The following COL5A2 variants were observed in gnomAD, a reference collection of about 807,000 sequenced individuals.
COL5A2 encodes collagen type V alpha 2 chain, also known as collagen alpha-2(V) chain.
Under a neutral mutation model 208.2 loss-of-function variants are expected in COL5A2, and 23 were observed. The ratio of observed to expected loss-of-function variants is 0.11; its 90% confidence interval spans 0.08 to 0.16. The LOEUF is 0.16. Among genes scored for constraint, COL5A2 ranks in the 10% least tolerant of loss-of-function variants. COL5A2 has a pLI of 1.00. For missense variants in COL5A2, 1,590 were observed against 1,956.4 expected, an observed-to-expected ratio of 0.81 and a Z score of 3.53; for synonymous variants, 625 against 628.5, an observed-to-expected ratio of 0.99 and a Z score of 0.08.
intron 6 of COL5A2, chr2:189,094,949 G>C (rs1336242161): frequency 1.3e-5 from 2 of 151,854 alleles, no homozygotes; most frequent in Admixed American, 6.6e-5. Flanking sequence ...ATTTGGCAAT[G>C]TCAAGAAACA....
Position 189,068,039 on chromosome 2 carries a change from A to T in COL5A2, c.1377T>A (p.Gly459=). 6.2e-7 allele frequency: 1 copy of T among 1,614,014 alleles called. No homozygotes were observed. Among genetic ancestry groups the T allele is most frequent in the South Asian group, 1.1e-5 (1 of 91,074 alleles). The stretch of plus-strand genomic sequence containing the variant: ...CCGGTTGGCCTCGAATTCCCTGAGG[A>T]CCAGTGCTACCCTGAGGTCCTGGAG... The part of the protein sequence containing the change: ...PGSPGPQGST[G]PQGIRGQPGD... The change falls in exon 21 of 54, where the codon GGT becomes GGA. Residue 459 remains glycine (G), a synonymous_variant. Transcript: ENST00000374866.
At position 189,038,254 on chromosome 2, in the gene COL5A2, TCTTA is replaced by T. The variant is rs1413872105; in HGVS notation, c.3925+1014_3925+1017del. Among the ~76,000 whole-genome samples the T allele has an allele frequency of 1.4e-4, 22 of 152,308 alleles. No homozygotes were observed. In the East Asian group the frequency reaches 4.2e-3, roughly 29 times the overall value. On this transcript the variant is annotated intron_variant, in intron 51 of 53. Transcript: ENST00000374866. ...TTTATGTCCATGTGTGCTCATTAGC[TCTTA>T]CTTATAAATGAGAACATATGATATT...
the COL5A2 span, among the ~76,000 whole-genome samples, chr2:189,413,877 C>T: frequency 8.2e-5 from 12 of 147,168 alleles, no homozygotes; most frequent in African/African-American, 3.0e-4. Flanking sequence ...CTGCAACCTC[C>T]GCATCCCGGG....
intron 12 of COL5A2, among the ~76,000 whole-genome samples, chr2:189,082,790 G>A (rs1314358091): frequency 6.6e-6 from 1 of 152,338 alleles, no homozygotes; most frequent in African/African-American, 2.4e-5. Context: ...CACACTGTGA[G>A]CATGAGCAAG....
chr2:189,192,725 A>C (rs1417383706), intron 1 of COL5A2, among the ~76,000 whole-genome samples: 1 of 152,208 alleles, frequency 6.6e-6, no homozygotes. Context: ...AAAAGGACAA[A>C]ACCAGTGCTA....
chr2:189,156,189 T>C (rs1045835895), intron 1 of COL5A2, among the ~76,000 whole-genome samples: 3 of 152,164 alleles, frequency 2.0e-5, no homozygotes, highest in African/African-American at 7.2e-5. Context: ...TTACAGAGAT[T>C]AGAGCATGGA....
chr2:189,300,179 G>T, the COL5A2 span, among the ~76,000 whole-genome samples: 1 of 152,114 alleles, frequency 6.6e-6, no homozygotes, highest in East Asian at 1.9e-4. Context: ...CAAATTCCTT[G>T]CCAGTCAGCA....
At chr2:189,124,075 G>GA (rs1687561846) in intron 1 of COL5A2, among the ~76,000 whole-genome samples, 1 of 152,040 alleles carries the variant, frequency 6.6e-6, no homozygotes, top group Non-Finnish European at 1.5e-5. Flanking sequence ...CTGGGTTAAA[G>GA]AAAAAACAGG....
At chr2:189,302,138 C>G in the COL5A2 span, among the ~76,000 whole-genome samples, 1 of 152,088 alleles carries the variant, frequency 6.6e-6, no homozygotes, top group East Asian at 1.9e-4. Flanking sequence ...TCACTAGTTG[C>G]AATTAACCAA....
chr2:189,240,627 C>T, the COL5A2 span, among the ~76,000 whole-genome samples: 1 of 152,082 alleles, frequency 6.6e-6, no homozygotes, highest in African/African-American at 2.4e-5. Flanking sequence ...TCTGCTTTTT[C>T]CTTTCTGAGT....
At chr2:189,400,315 T>C in the COL5A2 span, among the ~76,000 whole-genome samples, 88 of 152,316 alleles carry the variant, frequency 5.8e-4, no homozygotes, top group South Asian at 0.017. Flanking sequence ...ACTACACATA[T>C]GTCAGACCTT....
the COL5A2 span, among the ~76,000 whole-genome samples, chr2:189,277,474 C>T: frequency 6.6e-6 from 1 of 152,080 alleles, no homozygotes; most frequent in Non-Finnish European, 1.5e-5. Context: ...TGTTGCCGCT[C>T]TCTATACCCC....
At chr2:189,083,321 G>A (rs929755845) in intron 12 of COL5A2, among the ~76,000 whole-genome samples, 1 of 152,178 alleles carries the variant, frequency 6.6e-6, no homozygotes, top group Non-Finnish European at 1.5e-5. Flanking sequence ...AAAGGGGCCA[G>A]GTCTTGGATT....
the COL5A2 span, among the ~76,000 whole-genome samples, chr2:189,437,112 A>G: frequency 3.3e-5 from 5 of 152,196 alleles, no homozygotes; most frequent in Non-Finnish European, 7.3e-5. Context: ...GATTATAAGC[A>G]GAATGATCTA....
At chr2:189,140,114 T>C (rs1687908090) in intron 1 of COL5A2, among the ~76,000 whole-genome samples, 1 of 151,992 alleles carries the variant, frequency 6.6e-6, no homozygotes, top group Non-Finnish European at 1.5e-5. Context: ...TGTTAAATCA[T>C]GTCCAAAATA....
chr2:189,204,863 C>G (rs73980182), intron 1 of COL5A2, among the ~76,000 whole-genome samples: 4,530 of 152,174 alleles, frequency 0.03, 81 homozygotes, highest in Admixed American at 0.046. Flanking sequence ...TGGTAGAATA[C>G]CTGCGATTTA....
the COL5A2 span, among the ~76,000 whole-genome samples, chr2:189,301,392 A>G: frequency 6.6e-6 from 1 of 152,234 alleles, no homozygotes; most frequent in South Asian, 2.1e-4. Flanking sequence ...CTAAATCAGA[A>G]TCATTAAATA....
chr2:189,211,123 G>A (rs1689207760), intron 1 of COL5A2, among the ~76,000 whole-genome samples: 1 of 152,142 alleles, frequency 6.6e-6, no homozygotes, highest in South Asian at 2.1e-4. Flanking sequence ...CGAAAGACGT[G>A]GGTAAATTGT....
chr2:189,197,718 A>G (rs1447218251), intron 1 of COL5A2, among the ~76,000 whole-genome samples: 1 of 152,134 alleles, frequency 6.6e-6, no homozygotes, highest in African/African-American at 2.4e-5. Context: ...AGGGAAGAAC[A>G]CTCCAGCAAA....
Sources: allele counts gnomAD v4.1 joint callset (sites outside exome capture counted in the v4.1 genomes callset), GRCh38; gene constraint gnomAD v4.1.1; transcripts MANE v1.5; gene names NCBI Gene and HGNC (gene_info 2026-07-23, HGNC 2026-07-21).